Variants in ADAMTS5 observed in about 807,000 individuals in gnomAD.
The protein encoded by ADAMTS5 is ADAM metallopeptidase with thrombospondin type 1 motif 5, also known as A disintegrin and metalloproteinase with thrombospondin motifs 5.
ADAMTS5 carries 54 observed loss-of-function variants against 81.4 expected under a neutral mutation model. The ratio of observed to expected loss-of-function variants is 0.66; its 90% CI spans 0.53 to 0.83. The LOEUF is 0.83. ADAMTS5 is among the 40% of genes least tolerant of loss of function. ADAMTS5 has a pLI of 0.00. For synonymous variants in ADAMTS5, 532 were observed against 508.8 expected (o/e 1.05, Z -0.61); for missense variants, 1,194 against 1,229.9 (o/e 0.97, Z 0.44).
chr21:26,966,543 G>C lies in ADAMTS5; in HGVS notation c.-152C>G. ...GGAGGGAGGGGGGCCCGGCAGCAGC[G>C]CCAGCCTGTCCGGGCTGCGGTGCCA... On this transcript the variant is annotated 5_prime_UTR_variant, in exon 1 of 8. Transcript: ENST00000284987. The C allele has an allele frequency of 1.4e-6, 1 of 689,894 alleles. No individual in the cohort carries two copies. 42.7% of individuals were successfully genotyped at this position (689,894 alleles called of 1,614,324 possible).
chr21:26,937,071 T>C (rs1987027696), intron 3 of ADAMTS5, among the ~76,000 whole-genome samples: 1 of 152,256 alleles, frequency 6.6e-6, no homozygotes, highest in South Asian at 2.1e-4. Context: ...CTTTACCATG[T>C]GTGCATGCAC....
At chr21:26,947,276 T>G (rs1987232961) in intron 2 of ADAMTS5, among the ~76,000 whole-genome samples, 1 of 152,208 alleles carries the variant, frequency 6.6e-6, no homozygotes, top group Admixed American at 6.5e-5. Context: ...ATGCACTTGT[T>G]AATGACCTCT....
intron 2 of ADAMTS5, among the ~76,000 whole-genome samples, chr21:26,948,408 T>C (rs1240381592): frequency 6.6e-6 from 1 of 152,232 alleles, no homozygotes; most frequent in Non-Finnish European, 1.5e-5. Flanking sequence ...ATGTGTTTAC[T>C]CGGGAAAGCA....
At position 26,921,605 on chromosome 21, in the gene ADAMTS5, C is replaced by T. The variant is rs11700721; in HGVS notation, c.*2448G>A. On this transcript the variant is annotated 3_prime_UTR_variant, in exon 8 of 8. Transcript: ENST00000284987. Reference sequence around the variant, plus strand: ...TAGAATTTTCCCTTTGTTCACAATTCGTGGTATCTATTGAACACTCCATTT... The same window carrying T: ...TAGAATTTTCCCTTTGTTCACAATTTGTGGTATCTATTGAACACTCCATTT... 0.18 allele frequency: 27,638 copies of T among 152,272 alleles called. 3,146 individuals carry two copies. Among genetic ancestry groups the T allele is most frequent in the Non-Finnish European group, 0.25 (16,792 of 67,826 alleles). 9.4% of individuals were successfully genotyped at this position (152,272 alleles called of 1,614,324 possible).
rs982216771 is a variant in ADAMTS5 at position 26,920,805 on chromosome 21, T to C, written c.*3248A>G. ...TGTTAATGTGATGTAAAAAACCTAT[T>C]ATCATAGGCACAAGTAATGAACACT... is the stretch of plus-strand genomic sequence containing the variant. On this transcript the variant is annotated 3_prime_UTR_variant, in exon 8 of 8. Coordinates refer to ENST00000284987, the MANE Select transcript of ADAMTS5 (RefSeq NM_007038.5). 3.3e-5 allele frequency: 5 copies of C among 152,122 alleles called. No homozygotes were observed. The highest frequency in any genetic ancestry group is 6.6e-5 in the Admixed American group (1 of 15,250). The allele number at this position is 152,122 out of a possible 1,614,324, so 9.4% of individuals were successfully genotyped here.
Position 26,965,695 on chromosome 21 carries a change from CTGCGCGTCCGCTCGGGTTGCTG to C in ADAMTS5, c.675_696del (p.His225GlnfsTer61). Reference sequence around the variant, plus strand: ...TGGTCCAAGAGCTGCGAGGCCAGTGCTGCGCGTCCGCTCGGGTTGCTGTGCGCCGGAGCATGCTCGTGGGCCT... The same window carrying C: ...TGGTCCAAGAGCTGCGAGGCCAGTGCTGCGCCGGAGCATGCTCGTGGGCCT... On this transcript the variant is annotated frameshift_variant, in exon 1 of 8. Transcript: ENST00000284987. LOFTEE classifies it high-confidence loss of function. 1 of 1,582,056 alleles carries C rather than the reference CTGCGCGTCCGCTCGGGTTGCTG, an allele frequency of 6.3e-7. No homozygotes were observed. Among genetic ancestry groups the C allele is most frequent in the Non-Finnish European group, 8.6e-7 (1 of 1,166,416 alleles).
At chr21:26,948,572 A>G (rs183333670) in intron 2 of ADAMTS5, among the ~76,000 whole-genome samples, 259 of 152,316 alleles carry the variant, frequency 1.7e-3, no homozygotes, top group Non-Finnish European at 2.8e-3. Context: ...TGAAGAAGGG[A>G]ACCATGAGCT....
chr21:26,965,014 T>C (rs1568855207), intron 1 of ADAMTS5, among the ~76,000 whole-genome samples: 3 of 152,216 alleles, frequency 2.0e-5, no homozygotes, highest in Non-Finnish European at 4.4e-5. Context: ...TATGTTTACG[T>C]TCCTATGCCA....
rs568776820 is a variant in ADAMTS5 at position 26,962,868 on chromosome 21, T to A, written c.1104+2420A>T. Among the ~76,000 whole-genome samples, 4 of 152,300 alleles carry A rather than the reference T, an allele frequency of 2.6e-5. No homozygotes were observed. In the East Asian group the frequency reaches 7.7e-4, roughly 29 times the overall value. ...GATCATCTCTCCTCCAGACTTCTTT[T>A]TTTTTTTCATGCTCTGAAGTATTAG... On this transcript the variant is annotated intron_variant, in intron 1 of 7. Transcript: ENST00000284987.
rs1986722219 is a variant in ADAMTS5 at position 26,922,657 on chromosome 21, T to C, written c.*1396A>G. ...TTATAAAATAATTTCCATGTCTAACTATTCAAACTTACAACCTACTTAAAC... is the reference window on the plus strand; with the variant it reads ...TTATAAAATAATTTCCATGTCTAACCATTCAAACTTACAACCTACTTAAAC... On this transcript the variant is annotated 3_prime_UTR_variant, in exon 8 of 8. Coordinates refer to ENST00000284987, the MANE Select transcript of ADAMTS5 (RefSeq NM_007038.5). 2 of 152,250 alleles carry C rather than the reference T, an allele frequency of 1.3e-5. No individual in the cohort carries two copies. Among genetic ancestry groups the C allele is most frequent in the African/African-American group, 2.4e-5 (1 of 41,452 alleles). 9.4% of individuals were successfully genotyped at this position (152,250 alleles called of 1,614,324 possible).
chr21:26,954,843 G>T lies in ADAMTS5; in HGVS notation c.1133C>A (p.Thr378Asn). The T allele has an allele frequency of 6.2e-7, 1 of 1,614,038 alleles. No individual in the cohort carries two copies. Among genetic ancestry groups the T allele is most frequent in the Non-Finnish European group, 8.5e-7 (1 of 1,179,982 alleles). Reference sequence around the variant, plus strand: ...GGTCCCAACGTCTGCCATTCCCAGGGTGTCACATGAATGATGCCCACATAA... The same window carrying T: ...GGTCCCAACGTCTGCCATTCCCAGGTTGTCACATGAATGATGCCCACATAA... ...EDLCGHHSCD[T>N]LGMADVGTIC... The change falls in exon 2 of 8, where the codon ACC becomes AAC. Residue 378 changes from threonine to asparagine, a missense_variant. By Grantham distance (65) the Thr-to-Asn change is moderately conservative. Coordinates refer to ENST00000284987, the MANE Select transcript of ADAMTS5 (RefSeq NM_007038.5).
chr21:26,966,049 G>A lies in ADAMTS5; in HGVS notation c.343C>T (p.Pro115Ser), dbSNP rs751636118. 16 of 1,613,134 alleles carry A rather than the reference G, an allele frequency of 9.9e-6. No homozygotes were observed. In the South Asian group the frequency reaches 1.6e-4, roughly 17 times the overall value. ...DGSVGIAGFV[P>S]AGGGTSAPWR... ...GGCGCACTCGTCCCGCCTCCTGCGG[G>A]CACGAAGCCAGCAATGCCCACCGAA... The change falls in exon 1 of 8, where the codon CCC becomes TCC. Residue 115 changes from proline (P) to serine (S), a missense_variant. Pro to Ser is a moderately conservative substitution (Grantham distance 74, BLOSUM62 -1). Coordinates refer to ENST00000284987, the MANE Select transcript of ADAMTS5 (RefSeq NM_007038.5).
chr21:26,926,056 G>A lies in ADAMTS5; in HGVS notation c.2226-1436C>T, dbSNP rs914352135. On this transcript the variant is annotated intron_variant, in intron 7 of 7. Transcript: ENST00000284987. ...AAAGGGATGTTGGAGAATTCCTCGA[G>A]GTCAGGAGTTTAAGAGCAGCCTGGG... 2.0e-5 allele frequency among the ~76,000 whole-genome samples: 3 copies of A among 152,310 alleles called. No individual in the cohort carries two copies. In the Middle Eastern group the frequency reaches 0.01, roughly 518 times the overall value.
chr21:26,963,890 G>T (rs151186028), intron 1 of ADAMTS5, among the ~76,000 whole-genome samples: 1 of 151,980 alleles, frequency 6.6e-6, no homozygotes, highest in Non-Finnish European at 1.5e-5. Flanking sequence ...CTAAACTGCC[G>T]CCCTCCAGCA....
chr21:26,932,016 T>C lies in ADAMTS5; in HGVS notation c.2037A>G (p.Val679=), dbSNP rs1986917001. ...CRAKGTGYYV[V]FSPKVTDGTE... is the part of the protein sequence containing the mutation. The stretch of plus-strand genomic sequence containing the variant: ...GGTGTGTAGTTACCTTTGGAGAAAA[T>C]ACCACATAGTAGCCAGTGCCCTTGG... The change falls in exon 6 of 8, where the codon GTA becomes GTG. Residue 679 remains valine, a synonymous_variant. Coordinates refer to ENST00000284987, the MANE Select transcript of ADAMTS5 (RefSeq NM_007038.5). 6.2e-7 allele frequency: 1 copy of C among 1,612,572 alleles called. No individual in the cohort carries two copies. Among genetic ancestry groups the C allele is most frequent in the Admixed American group, 1.7e-5 (1 of 59,808 alleles).
At chr21:26,939,672 G>A (rs982206778) in intron 3 of ADAMTS5, 1 of 152,176 alleles carries the variant, frequency 6.6e-6, no homozygotes, top group Non-Finnish European at 1.5e-5. Context: ...CATAAGTCAT[G>A]GCCTTTCTCA....
chr21:26,929,785 T>C (rs1388412979), intron 7 of ADAMTS5, 101 bp downstream of exon 7: 2 of 1,236,992 alleles, frequency 1.6e-6, no homozygotes, highest in Non-Finnish European at 2.2e-6. Context: ...GACCTCCTCA[T>C]ACAGATAGCT....
At chr21:26,951,601 C>A (rs139228571) in intron 2 of ADAMTS5, among the ~76,000 whole-genome samples, 5,062 of 133,760 alleles carry the variant, frequency 0.038, 106 homozygotes, top group South Asian at 0.1. Context: ...ATCTCTTGAA[C>A]CTGGGAGGCA....
intron 2 of ADAMTS5, among the ~76,000 whole-genome samples, chr21:26,945,175 T>C (rs967752809): frequency 6.6e-6 from 1 of 151,752 alleles, no homozygotes; most frequent in Admixed American, 6.6e-5. Flanking sequence ...CAATCTTTCA[T>C]TCATGTACTA....
Sources: gnomAD v4.1 joint callset for allele counts (sites outside exome capture counted in the v4.1 genomes callset) on GRCh38, gnomAD v4.1.1 for gene constraint, MANE v1.5 for transcripts, NCBI Gene and HGNC (gene_info 2026-07-23, HGNC 2026-07-21) for gene names.